Variants in MAPRE2 observed in about 807,000 individuals in gnomAD.
MAPRE2 encodes the protein microtubule associated protein RP/EB family member 2, also known as microtubule-associated protein RP/EB family member 2.
A neutral mutation model predicts 43.2 loss-of-function variants in MAPRE2; 13 were observed. The ratio of observed to expected loss-of-function variants is 0.30; its 90% CI spans 0.20 to 0.48. MAPRE2 has a LOEUF of 0.48. Among genes scored for constraint, MAPRE2 ranks in the 20% least tolerant of loss-of-function variants. The pLI is 0.99. For missense variants in MAPRE2, 161 were observed against 400.2 expected, an observed-to-expected ratio of 0.40 and a Z score of 5.10; for synonymous variants, 135 against 148.8, an observed-to-expected ratio of 0.91 and a Z score of 0.68.
intron 1 of MAPRE2, chr18:34,978,107 G>A: frequency 3.9e-6 from 1 of 258,104 alleles, no homozygotes; most frequent in South Asian, 4.1e-5. Context: ...AGTAGCGCTG[G>A]GAGTAATTAA....
intron 2 of MAPRE2, among the ~76,000 whole-genome samples, chr18:35,023,662 T>G (rs115870880): frequency 0.015 from 2,265 of 151,982 alleles, 55 homozygotes; most frequent in African/African-American, 0.052. Context: ...AATGAAAGAT[T>G]GAGAGAGGCA....
chr18:35,132,728 G>A (rs1910214071), intron 6 of MAPRE2, among the ~76,000 whole-genome samples: 1 of 152,228 alleles, frequency 6.6e-6, no homozygotes, highest in Admixed American at 6.5e-5. Flanking sequence ...CACAAGTGCT[G>A]CTATTCACAA....
At chr18:34,995,031 A>G (rs562391228) in intron 1 of MAPRE2, among the ~76,000 whole-genome samples, 2 of 152,196 alleles carry the variant, frequency 1.3e-5, no homozygotes, top group African/African-American at 4.8e-5. Flanking sequence ...CCATAGAAAC[A>G]TGCATTGGGT....
At chr18:35,030,966 T>C (rs1049380962) in intron 2 of MAPRE2, among the ~76,000 whole-genome samples, 1 of 152,228 alleles carries the variant, frequency 6.6e-6, no homozygotes. Context: ...CACAGGTCTA[T>C]GTCCCTCACC....
intron 1 of MAPRE2, among the ~76,000 whole-genome samples, chr18:35,004,791 G>C (rs919402979): frequency 1.4e-4 from 22 of 151,860 alleles, no homozygotes; most frequent in African/African-American, 5.3e-4. Context: ...GGTGGCGGGC[G>C]CCTGTAGTCC....
At chr18:35,028,402 C>T (rs1372810436) in intron 2 of MAPRE2, among the ~76,000 whole-genome samples, 2 of 152,122 alleles carry the variant, frequency 1.3e-5, no homozygotes, top group African/African-American at 4.8e-5. Flanking sequence ...TGCATCAAAA[C>T]CATGAACTCT....
At chr18:34,995,010 A>T (rs563754092) in intron 1 of MAPRE2, among the ~76,000 whole-genome samples, 1 of 143,974 alleles carries the variant, frequency 6.9e-6, no homozygotes, top group East Asian at 1.9e-4. Context: ...ACCTCTAACC[A>T]ACTCATATTT....
intron 6 of MAPRE2, among the ~76,000 whole-genome samples, chr18:35,135,701 G>A (rs1910357063): frequency 6.6e-6 from 1 of 152,220 alleles, no homozygotes; most frequent in Non-Finnish European, 1.5e-5. Flanking sequence ...CCCTGACATT[G>A]TGTCCTGTTT....
chr18:35,102,629 A>G (rs1908732066), intron 4 of MAPRE2, among the ~76,000 whole-genome samples: 1 of 152,140 alleles, frequency 6.6e-6, no homozygotes, highest in African/African-American at 2.4e-5. Flanking sequence ...GGCAGTGGCA[A>G]TTTTTATGCA....
intron 2 of MAPRE2, among the ~76,000 whole-genome samples, chr18:35,026,163 C>T (rs576147564): frequency 5.9e-5 from 9 of 152,022 alleles, no homozygotes; most frequent in Middle Eastern, 6.8e-3. Flanking sequence ...GTGTGAGCAG[C>T]GGGAGAGGAA....
intron 5 of MAPRE2, chr18:35,131,830 C>G: frequency 1.8e-6 from 1 of 568,600 alleles, no homozygotes; most frequent in South Asian, 2.2e-5. Context: ...AAGGGAATGA[C>G]CAGAGTGCTG....
chr18:35,070,168 G>A (rs778953334), intron 1 of MAPRE2, 27 bp from the exon 2 acceptor site: 41 of 1,565,880 alleles, frequency 2.6e-5, no homozygotes, highest in Non-Finnish European at 3.5e-5. Context: ...TTTCCTTGTT[G>A]TTAAATAAAC....
chr18:35,065,087 G>A (rs936161279), intron 1 of MAPRE2, among the ~76,000 whole-genome samples: 4 of 152,184 alleles, frequency 2.6e-5, no homozygotes, highest in African/African-American at 4.8e-5. Flanking sequence ...CTGAGGTCAG[G>A]AGTTCCAGAC....
chr18:35,077,234 C>T (rs1252501584), intron 2 of MAPRE2, among the ~76,000 whole-genome samples: 7 of 122,138 alleles, frequency 5.7e-5, no homozygotes, highest in South Asian at 2.5e-4. Flanking sequence ...CACAGATACG[C>T]GCGCGTGCGC....
intron 2 of MAPRE2, among the ~76,000 whole-genome samples, chr18:35,089,698 A>G (rs1908050662): frequency 6.6e-6 from 1 of 152,228 alleles, no homozygotes; most frequent in Non-Finnish European, 1.5e-5. Context: ...GTAGAAATAT[A>G]AAATAGTACA....
chr18:35,112,711 A>G (rs1909235066), intron 4 of MAPRE2, among the ~76,000 whole-genome samples: 1 of 152,212 alleles, frequency 6.6e-6, no homozygotes, highest in South Asian at 2.1e-4. Context: ...TCTTCTGATT[A>G]CATGTGTAAG....
intron 1 of MAPRE2, among the ~76,000 whole-genome samples, chr18:35,058,695 A>G (rs189855343): frequency 3.9e-5 from 6 of 152,312 alleles, no homozygotes; most frequent in East Asian, 3.9e-4. Context: ...TAGCCACCCA[A>G]ATCTCTACAT....
At chr18:35,075,170 G>A (rs1907288082) in intron 2 of MAPRE2, among the ~76,000 whole-genome samples, 1 of 152,180 alleles carries the variant, frequency 6.6e-6, no homozygotes, top group African/African-American at 2.4e-5. Context: ...TGTGGAAGGA[G>A]CAAGTATTTA....
chr18:35,051,014 G>A (rs996260234), intron 1 of MAPRE2, among the ~76,000 whole-genome samples: 1 of 152,176 alleles, frequency 6.6e-6, no homozygotes, highest in Non-Finnish European at 1.5e-5. Context: ...TGGAACTTAC[G>A]AGCTGAATGT....
Sources: allele counts gnomAD v4.1 joint callset (sites outside exome capture counted in the v4.1 genomes callset), GRCh38; gene constraint gnomAD v4.1.1; transcripts MANE v1.5; gene names NCBI Gene and HGNC (gene_info 2026-07-23, HGNC 2026-07-21).